HS3ST4: variants seen among roughly 807,000 people sequenced by gnomAD.
The protein encoded by HS3ST4 is heparan sulfate glucosamine 3-O-sulfotransferase 4.
A neutral mutation model predicts 29.2 loss-of-function variants in HS3ST4; 17 were observed. The observed-to-expected ratio is 0.58, with a 90% confidence interval of 0.40 to 0.87. HS3ST4 has a LOEUF of 0.87. HS3ST4 is among the 40% of genes least tolerant of loss of function. The pLI is 0.00. For synonymous variants in HS3ST4, 314 were observed against 285.7 expected, an observed-to-expected ratio of 1.10 and a Z score of -1.00; for missense variants, 627 against 634.5, an observed-to-expected ratio of 0.99 and a Z score of 0.13.
intron 1 of HS3ST4, among the ~76,000 whole-genome samples, chr16:26,045,685 C>T (rs926749894): frequency 3.3e-5 from 5 of 152,056 alleles, no homozygotes; most frequent in East Asian, 3.9e-4. Context: ...TTGGTACATC[C>T]GACACCTTCT....
At chr16:25,922,569 G>A (rs952714533) in intron 1 of HS3ST4, among the ~76,000 whole-genome samples, 2 of 152,218 alleles carry the variant, frequency 1.3e-5, no homozygotes, top group African/African-American at 4.8e-5. Context: ...GGAACTCCTT[G>A]AGAGAGAGGG....
At chr16:26,071,364 A>C (rs1484803693) in intron 1 of HS3ST4, among the ~76,000 whole-genome samples, 1 of 152,142 alleles carries the variant, frequency 6.6e-6, no homozygotes, top group Non-Finnish European at 1.5e-5. Flanking sequence ...TTTAGGACTG[A>C]AGAAGGAGGA....
intron 1 of HS3ST4, among the ~76,000 whole-genome samples, chr16:25,707,420 T>C (rs1966382823): frequency 6.6e-6 from 1 of 152,226 alleles, no homozygotes; most frequent in South Asian, 2.1e-4. Context: ...TAGCTATGTA[T>C]GTATAGGAAA....
intron 1 of HS3ST4, among the ~76,000 whole-genome samples, chr16:25,877,265 G>A (rs1483427372): frequency 6.6e-6 from 1 of 152,058 alleles, no homozygotes; most frequent in Non-Finnish European, 1.5e-5. Flanking sequence ...TTGGAAGTAA[G>A]GTCTTTTCAG....
intron 1 of HS3ST4, among the ~76,000 whole-genome samples, chr16:25,976,998 A>G (rs1242916276): frequency 6.6e-6 from 1 of 152,214 alleles, no homozygotes; most frequent in Non-Finnish European, 1.5e-5. Flanking sequence ...CCCTGAGTCC[A>G]CAGGTAGGAT....
intron 1 of HS3ST4, among the ~76,000 whole-genome samples, chr16:25,774,055 C>T (rs1248500640): frequency 6.6e-6 from 1 of 152,200 alleles, no homozygotes; most frequent in Non-Finnish European, 1.5e-5. Flanking sequence ...ACAGCAGTCC[C>T]TCCAGAAATA....
At chr16:25,748,103 G>C (rs534429052) in intron 1 of HS3ST4, among the ~76,000 whole-genome samples, 26 of 152,148 alleles carry the variant, frequency 1.7e-4, no homozygotes, top group Admixed American at 1.5e-3. Context: ...TGATTGTCTG[G>C]GACCTGGGCA....
chr16:26,131,024 T>C (rs1275342226), intron 1 of HS3ST4, among the ~76,000 whole-genome samples: 1 of 152,246 alleles, frequency 6.6e-6, no homozygotes, highest in Non-Finnish European at 1.5e-5. Context: ...ATGTAGCCAC[T>C]GGCACAGGCC....
intron 1 of HS3ST4, among the ~76,000 whole-genome samples, chr16:25,712,936 C>G (rs1966427079): frequency 6.6e-6 from 1 of 152,178 alleles, no homozygotes. Context: ...GCAGACGGCT[C>G]TATTCTCCCT....
intron 1 of HS3ST4, among the ~76,000 whole-genome samples, chr16:25,850,687 G>T (rs1176814625): frequency 6.6e-6 from 1 of 152,132 alleles, no homozygotes; most frequent in Admixed American, 6.5e-5. Context: ...AGAGACTCCG[G>T]GGTCTCCAAG....
chr16:26,032,838 G>A (rs113388810), intron 1 of HS3ST4: 32 of 1,568,422 alleles, frequency 2.0e-5, no homozygotes, highest in Admixed American at 1.0e-4. Context: ...GCAGCAGGAC[G>A]TAGGTGCTGG....
chr16:25,824,450 C>T (rs114279801), intron 1 of HS3ST4, among the ~76,000 whole-genome samples: 240 of 152,180 alleles, frequency 1.6e-3, no homozygotes, highest in African/African-American at 5.0e-3. Context: ...ACAGTCATGG[C>T]GGAAGGCAAA....
chr16:26,091,194 G>T (rs545148631), intron 1 of HS3ST4, among the ~76,000 whole-genome samples: 4 of 152,252 alleles, frequency 2.6e-5, no homozygotes, highest in Non-Finnish European at 4.4e-5. Flanking sequence ...CCCTAATAAA[G>T]AAGAGGAATG....
At chr16:25,858,932 C>G (rs574205018) in intron 1 of HS3ST4, among the ~76,000 whole-genome samples, 1 of 152,120 alleles carries the variant, frequency 6.6e-6, no homozygotes, top group African/African-American at 2.4e-5. Context: ...CACCAGAAAC[C>G]TGCAACTTTT....
At chr16:25,782,813 G>A (rs1966853836) in intron 1 of HS3ST4, among the ~76,000 whole-genome samples, 1 of 152,102 alleles carries the variant, frequency 6.6e-6, no homozygotes, top group Non-Finnish European at 1.5e-5. Flanking sequence ...CTCCAAATAA[G>A]TTAAAATAAA....
intron 1 of HS3ST4, among the ~76,000 whole-genome samples, chr16:25,734,116 C>CA (rs1011568330): frequency 4.4e-4 from 67 of 151,140 alleles, no homozygotes; most frequent in African/African-American, 1.5e-3. Flanking sequence ...GACTCCGTCT[C>CA]AAAAAAACAA....
intron 1 of HS3ST4, among the ~76,000 whole-genome samples, chr16:26,079,505 CT>C (rs1220836698): frequency 5.9e-5 from 9 of 152,312 alleles, no homozygotes; most frequent in African/African-American, 1.9e-4. Context: ...TGATTGCATC[CT>C]TACTATTTAT....
chr16:25,697,056 C>T (rs1458246080), intron 1 of HS3ST4, among the ~76,000 whole-genome samples: 1 of 152,156 alleles, frequency 6.6e-6, no homozygotes, highest in Non-Finnish European at 1.5e-5. Flanking sequence ...TCCCTTGTAC[C>T]ACACTGCCAC....
At chr16:26,001,480 T>C (rs992609493) in intron 1 of HS3ST4, among the ~76,000 whole-genome samples, 1 of 152,202 alleles carries the variant, frequency 6.6e-6, no homozygotes, top group African/African-American at 2.4e-5. Context: ...AAATTATTTA[T>C]GAATACAAAG....
Sources: allele counts gnomAD v4.1 joint callset (sites outside exome capture counted in the v4.1 genomes callset), GRCh38; gene constraint gnomAD v4.1.1; transcripts MANE v1.5; gene names NCBI Gene and HGNC (gene_info 2026-07-23, HGNC 2026-07-21).